STAM2: variants seen among roughly 807,000 people sequenced by gnomAD.
The protein encoded by STAM2 is signal transducing adaptor molecule 2, also known as signal transducing adapter molecule 2.
In STAM2, 51 loss-of-function variants were observed where a neutral mutation model predicts 65.6. That is an observed-to-expected ratio of 0.78 (90% CI 0.62 to 0.98). The LOEUF is 0.98. STAM2 is among the 50% of genes least tolerant of loss of function. The pLI, the probability that STAM2 is intolerant of heterozygous loss-of-function variation, is 0.00. For missense variants in STAM2, 584 were observed against 617.8 expected (o/e 0.95, Z 0.58); for synonymous variants, 198 against 208.4 (o/e 0.95, Z 0.43).
At position 152,144,923 on chromosome 2, in the gene STAM2, G is replaced by A. The variant is rs201747317; in HGVS notation, c.482C>T (p.Ser161Leu). ...GTCTTCATCCTCTTTGTTTTTGTTC[G>A]ATGACGTACCATTCTTGGCAGCAGC... ...VSAAAKNGTS[S>L]NKNKEDEDIA... The change falls in exon 6 of 14, where the codon TCG (serine) becomes TTG (leucine). Residue 161 changes from serine (S) to leucine (L), a missense_variant. Coordinates refer to ENST00000263904, the MANE Select transcript of STAM2 (RefSeq NM_005843.6). 2.0e-5 allele frequency: 32 copies of A among 1,613,776 alleles called. No homozygotes were observed. Among genetic ancestry groups the A allele is most frequent in the East Asian group, 1.1e-4 (5 of 44,858 alleles).
chr2:152,126,154 G>T, intron 12 of STAM2, 72 bp downstream of exon 12: 1 of 1,255,912 alleles, frequency 8.0e-7, no homozygotes, highest in Non-Finnish European at 1.1e-6. Flanking sequence ...TTAATACTAT[G>T]CTATAAAACA....
chr2:152,132,231 T>C, intron 10 of STAM2, 63 bp from the exon 11 acceptor site: 3 of 1,249,422 alleles, frequency 2.4e-6, no homozygotes, highest in African/African-American at 1.5e-5. Flanking sequence ...ATTTCAACAA[T>C]TTTTAACAAT....
At chr2:152,150,800 T>C (rs1689430017) in intron 1 of STAM2, among the ~76,000 whole-genome samples, 1 of 152,220 alleles carries the variant, frequency 6.6e-6, no homozygotes, top group Non-Finnish European at 1.5e-5. Context: ...GGTGAGACTC[T>C]ACCTCTTAAA....
At chr2:152,128,198 G>C (rs1688997153) in intron 11 of STAM2, among the ~76,000 whole-genome samples, 1 of 152,160 alleles carries the variant, frequency 6.6e-6, no homozygotes, top group Admixed American at 6.5e-5. Context: ...ACGAGGTCAG[G>C]AGATCGAGAC....
chr2:152,122,758 G>GT (rs1688880589), intron 13 of STAM2, among the ~76,000 whole-genome samples: 1 of 151,986 alleles, frequency 6.6e-6, no homozygotes, highest in African/African-American at 2.4e-5. Flanking sequence ...GAGTAAAAGT[G>GT]TTTTTATTTA....
intron 4 of STAM2, among the ~76,000 whole-genome samples, 196 bp downstream of exon 4, chr2:152,147,828 T>C (rs1194733117): frequency 1.3e-5 from 2 of 152,192 alleles, no homozygotes; most frequent in East Asian, 1.9e-4. Flanking sequence ...TTGCTATTAT[T>C]TACAGTATAT....
At chr2:152,165,740 T>C (rs1188044039) in intron 1 of STAM2, among the ~76,000 whole-genome samples, 1 of 152,148 alleles carries the variant, frequency 6.6e-6, no homozygotes, top group Non-Finnish European at 1.5e-5. Flanking sequence ...ATTTGTCAAA[T>C]GGAGATTAAA....
At chr2:152,139,195 T>C (rs1287314739) in intron 7 of STAM2, among the ~76,000 whole-genome samples, 2 of 152,350 alleles carry the variant, frequency 1.3e-5, no homozygotes, top group Admixed American at 1.3e-4. Context: ...AAAATTTTAA[T>C]GTAGCATTTA....
Position 152,143,869 on chromosome 2 carries a change from A to AGT in STAM2, c.660_661dup (p.Leu221HisfsTer9). On this transcript the variant is annotated frameshift_variant, in exon 7 of 14. Coordinates refer to ENST00000263904, the MANE Select transcript of STAM2 (RefSeq NM_005843.6). LOFTEE classifies it high-confidence loss of function. ...AATTATTTCACCATGTTTAAAGGTG[A>AGT]GTTCATTGTCCTCAACAGCTTCAAA... is the stretch of plus-strand genomic sequence containing the variant. The AGT allele has an allele frequency of 6.2e-7, 1 of 1,612,976 alleles. No homozygotes were observed. The highest frequency in any genetic ancestry group is 8.5e-7 in the Non-Finnish European group (1 of 1,179,632).
chr2:152,175,602 C>A lies in STAM2; in HGVS notation c.40+1G>T. The A allele has an allele frequency of 6.2e-7, 1 of 1,614,086 alleles. No homozygotes were observed. The highest frequency in any genetic ancestry group is 8.5e-7 in the Non-Finnish European group (1 of 1,179,972). On this transcript the variant is annotated splice_donor_variant, in intron 1 of 13. Coordinates refer to ENST00000263904, the MANE Select transcript of STAM2 (RefSeq NM_005843.6). LOFTEE classifies it high-confidence loss of function. Reference sequence around the variant, plus strand: ...AGTCCAGGACCGGGCACAGCACTCACCCACGTCTTGCTCGAAGGGGTTGGC... The same window carrying A: ...AGTCCAGGACCGGGCACAGCACTCAACCACGTCTTGCTCGAAGGGGTTGGC...
intron 5 of STAM2, among the ~76,000 whole-genome samples, chr2:152,145,839 CCAT>C (rs1200358709): frequency 6.6e-6 from 1 of 152,150 alleles, no homozygotes; most frequent in Non-Finnish European, 1.5e-5. Flanking sequence ...CAGGACTGAT[CCAT>C]CAACCGGTTC....
intron 13 of STAM2, 39 bp from the exon 14 acceptor site, chr2:152,120,841 T>C: frequency 6.6e-7 from 1 of 1,511,066 alleles, no homozygotes; most frequent in Non-Finnish European, 9.2e-7. Flanking sequence ...ATATTTACTT[T>C]GCAATATATA....
At chr2:152,144,550 T>C (rs1250872504) in intron 6 of STAM2, among the ~76,000 whole-genome samples, 2 of 152,198 alleles carry the variant, frequency 1.3e-5, no homozygotes, top group East Asian at 1.9e-4. Context: ...TACATATATA[T>C]ATTTTTTGAG....
chr2:152,153,535 G>A (rs1029840202), intron 1 of STAM2, among the ~76,000 whole-genome samples: 7 of 152,038 alleles, frequency 4.6e-5, no homozygotes, highest in Admixed American at 1.3e-4. Context: ...TACTACTTAT[G>A]GATGGAAAGC....
At position 152,120,609 on chromosome 2, in the gene STAM2, G is replaced by A; in HGVS notation, c.1543C>T (p.Gln515Ter). 1 of 1,614,090 alleles carries A rather than the reference G, an allele frequency of 6.2e-7. No homozygotes were observed. The highest frequency in any genetic ancestry group is 8.5e-7 in the Non-Finnish European group (1 of 1,180,016). Residue 515 changes from glutamine (Q) to a stop codon, truncating the protein, a stop_gained, in exon 14 of 14, where the codon CAG becomes TAG. Transcript: ENST00000263904. LOFTEE classifies it high-confidence loss of function. ...GGCTGCTGATGGTAATTTGTGTGCT[G>A]CTGTGCAACTGGATGAGCTGGAACT... The part of the protein sequence containing the change: ...VTVPAHPVAQ[Q>*]HTNYHQQPLL
intron 11 of STAM2, among the ~76,000 whole-genome samples, chr2:152,131,147 C>T (rs1171298860): frequency 6.6e-6 from 1 of 151,986 alleles, no homozygotes; most frequent in African/African-American, 2.4e-5. Flanking sequence ...TTTATAAGTA[C>T]CACTTCTCAT....
At chr2:152,133,342 C>T in intron 9 of STAM2, 60 bp downstream of exon 9, 1 of 1,547,526 alleles carries the variant, frequency 6.5e-7, no homozygotes, top group Non-Finnish European at 8.9e-7. Context: ...CAAGCATTCT[C>T]AAAGATAGTA....
At chr2:152,127,539 G>A (rs1306826513) in intron 11 of STAM2, among the ~76,000 whole-genome samples, 1 of 148,540 alleles carries the variant, frequency 6.7e-6, no homozygotes, top group Admixed American at 6.7e-5. Flanking sequence ...AAAAACACTT[G>A]TTAAAAAAAA....
At chr2:152,139,734 G>A (rs982230667) in intron 7 of STAM2, among the ~76,000 whole-genome samples, 1 of 152,114 alleles carries the variant, frequency 6.6e-6, no homozygotes, top group Admixed American at 6.5e-5. Flanking sequence ...AGAGACATAC[G>A]TAAAGAAGCG....
Sources: allele counts gnomAD v4.1 joint callset (sites outside exome capture counted in the v4.1 genomes callset), GRCh38; gene constraint gnomAD v4.1.1; transcripts MANE v1.5; gene names NCBI Gene and HGNC (gene_info 2026-07-23, HGNC 2026-07-21).